The following TMEM50A variants were observed in gnomAD, a reference collection of about 807,000 sequenced individuals.
TMEM50A encodes cervical cancer oncogene 9.
A neutral mutation model predicts 23.9 loss-of-function variants in TMEM50A; 8 were observed. That is an observed-to-expected ratio of 0.33 (90% confidence interval 0.20 to 0.60). The LOEUF is 0.60. TMEM50A is among the 20% of genes least tolerant of loss of function. TMEM50A has a pLI of 0.81. For missense variants in TMEM50A, 178 were observed against 192.7 expected (o/e 0.92, Z 0.45); for synonymous variants, 55 against 60.4 (o/e 0.91, Z 0.41).
chr1:25,353,038 T>A (rs1645289455), intron 5 of TMEM50A, 64 bp downstream of exon 5: 3 of 1,473,350 alleles, frequency 2.0e-6, no homozygotes, highest in Non-Finnish European at 2.8e-6. Flanking sequence ...TTAAAGTTGG[T>A]TATTTTAGAA....
rs566302299 is a variant in TMEM50A at position 25,362,023 on chromosome 1, C to T, written c.*1318C>T. 6.7e-4 allele frequency: 158 copies of T among 234,258 alleles called. No homozygotes were observed. Among genetic ancestry groups the T allele is most frequent in the Non-Finnish European group, 1.1e-3 (135 of 118,556 alleles). 14.5% of individuals were successfully genotyped at this position (234,258 alleles called of 1,614,324 possible). A position where few individuals can be genotyped will look rare whatever the true frequency, so the allele number is the denominator to read the frequency against. On this transcript the variant is annotated 3_prime_UTR_variant, in exon 7 of 7. Coordinates refer to ENST00000374358, the MANE Select transcript of TMEM50A (RefSeq NM_014313.4). ...ATCCTCAGGCAGTGCATCCCCCCAC[C>T]CTACAACTGAGCACAACCTCTTTCC...
At chr1:25,348,401 G>A (rs1021976336) in intron 3 of TMEM50A, among the ~76,000 whole-genome samples, 1 of 152,080 alleles carries the variant, frequency 6.6e-6, no homozygotes, top group African/African-American at 2.4e-5. Flanking sequence ...AAAAATGTAG[G>A]GTAGGCCGGG....
At chr1:25,339,093 A>G (rs1645137626) in intron 1 of TMEM50A, among the ~76,000 whole-genome samples, 1 of 152,234 alleles carries the variant, frequency 6.6e-6, no homozygotes, top group African/African-American at 2.4e-5. Context: ...AGAAGTTAAA[A>G]ATGGGAGACG....
chr1:25,361,124 T>G lies in TMEM50A; in HGVS notation c.*419T>G, dbSNP rs1425443310. On this transcript the variant is annotated 3_prime_UTR_variant, in exon 7 of 7. Transcript: ENST00000374358. ...TCAAATGTTAAATGAAATATAAACA[T>G]TTTTTAGTTTTTAAAATATTCCGTG... is the stretch of plus-strand genomic sequence containing the variant. The G allele has an allele frequency of 6.3e-6, 1 of 158,094 alleles. No homozygotes were observed. Among genetic ancestry groups the G allele is most frequent in the African/African-American group, 2.4e-5 (1 of 41,522 alleles). 9.8% of individuals were successfully genotyped at this position (158,094 alleles called of 1,614,324 possible). A position where few individuals can be genotyped will look rare whatever the true frequency, so the allele number is the denominator to read the frequency against.
intron 2 of TMEM50A, among the ~76,000 whole-genome samples, chr1:25,342,009 A>G (rs1645173912): frequency 6.6e-6 from 1 of 152,120 alleles, no homozygotes; most frequent in Non-Finnish European, 1.5e-5. Context: ...CTGGCCAAAA[A>G]GCTTTGAGTT....
Position 25,360,929 on chromosome 1 carries a change from T to C in TMEM50A, c.*224T>C, listed in dbSNP as rs1645394608. ...TAAAATGTTAGAGGAAACTTTCACA[T>C]GAATAATTTTTGTCAAATTTTATCA... On this transcript the variant is annotated 3_prime_UTR_variant, in exon 7 of 7. Transcript: ENST00000374358. 2.5e-6 allele frequency: 1 copy of C among 395,024 alleles called. No homozygotes were observed. The highest frequency in any genetic ancestry group is 3.8e-5 in the East Asian group (1 of 26,122). 24.5% of individuals were successfully genotyped at this position (395,024 alleles called of 1,614,324 possible). A position where few individuals can be genotyped will look rare whatever the true frequency, so the allele number is the denominator to read the frequency against.
At chr1:25,355,306 A>G (rs1179501110) in intron 5 of TMEM50A, among the ~76,000 whole-genome samples, 1 of 152,088 alleles carries the variant, frequency 6.6e-6, no homozygotes, top group East Asian at 1.9e-4. Context: ...AGACCCTCTC[A>G]AAAATCAAAA....
chr1:25,338,523 G>C (rs1394858301), intron 1 of TMEM50A, 67 bp downstream of exon 1: 1 of 152,496 alleles, frequency 6.6e-6, no homozygotes, highest in East Asian at 1.9e-4. Flanking sequence ...CTCGGAGCCG[G>C]GGCCGTCTGA....
At chr1:25,351,799 A>G (rs1645277984) in intron 4 of TMEM50A, 106 bp downstream of exon 4, 1 of 916,754 alleles carries the variant, frequency 1.1e-6, no homozygotes, top group South Asian at 1.8e-5. Context: ...TCTGTGAGTA[A>G]CAGCTTATTA....
chr1:25,348,722 CG>C (rs1557585879), intron 3 of TMEM50A, among the ~76,000 whole-genome samples: 2 of 151,018 alleles, frequency 1.3e-5, no homozygotes, highest in African/African-American at 4.9e-5. Context: ...TAAGCAAAAA[CG>C]AAGTTGCCTA....
rs573502891 is a variant in TMEM50A, at chr1:25,347,114, A to G, written c.206+4041A>G. 2.7e-4 allele frequency among the ~76,000 whole-genome samples: 41 copies of G among 152,282 alleles called. No individual in the cohort carries two copies. The South Asian group carries it at 8.1e-3, about 30-fold the overall frequency. ...ACAAATTTTTCTTATATATACACCC[A>G]TGTAAACAGCATCTAGATCAAGATT... is the stretch of plus-strand genomic sequence containing the variant. On this transcript the variant is annotated intron_variant, in intron 3 of 6. Transcript: ENST00000374358.
At chr1:25,353,908 T>C (rs892844398) in intron 5 of TMEM50A, among the ~76,000 whole-genome samples, 1 of 152,236 alleles carries the variant, frequency 6.6e-6, no homozygotes, top group Admixed American at 6.5e-5. Flanking sequence ...AAATAATGTT[T>C]CCTAAATTTT....
At chr1:25,348,521 C>A (rs1421937475) in intron 3 of TMEM50A, among the ~76,000 whole-genome samples, 1 of 151,978 alleles carries the variant, frequency 6.6e-6, no homozygotes, top group Admixed American at 6.6e-5. Context: ...CCCGTCTCTA[C>A]TAAAATACAA....
intron 3 of TMEM50A, among the ~76,000 whole-genome samples, chr1:25,344,699 G>T (rs1009113859): frequency 2.0e-5 from 3 of 148,410 alleles, no homozygotes; most frequent in African/African-American, 5.0e-5. Context: ...GTTTCTGATT[G>T]TTTTTTTTTG....
Position 25,340,572 on chromosome 1 carries a change from GTGT to G in TMEM50A, c.87_89del (p.Val30del). On this transcript the variant is annotated inframe_deletion, in exon 2 of 7. Transcript: ENST00000374358. ...AATACTATTGCTTCCATTGCTGCTG[GTGT>G]ACTAGTAAGTGTCATTGATTATTTG... is the stretch of plus-strand genomic sequence containing the variant. 1 of 1,613,142 alleles carries G rather than the reference GTGT, an allele frequency of 6.2e-7. No homozygotes were observed. Among genetic ancestry groups the G allele is most frequent in the Non-Finnish European group, 8.5e-7 (1 of 1,179,488 alleles).
intron 1 of TMEM50A, among the ~76,000 whole-genome samples, chr1:25,339,236 T>C (rs1295398663): frequency 6.6e-6 from 1 of 152,222 alleles, no homozygotes; most frequent in Non-Finnish European, 1.5e-5. Context: ...GGCTTTTTCA[T>C]ACTCTGAAAT....
chr1:25,360,752 GT>G lies in TMEM50A; in HGVS notation c.*54del. ...ACAACAGCCCTGCATGGGTTTGTTT[GT>G]TTTTTTACTGCTCACTCCCAACCTT... On this transcript the variant is annotated 3_prime_UTR_variant, in exon 7 of 7. Coordinates refer to ENST00000374358, the MANE Select transcript of TMEM50A (RefSeq NM_014313.4). The G allele has an allele frequency of 6.3e-7, 1 of 1,596,808 alleles. No homozygotes were observed. Among genetic ancestry groups the G allele is most frequent in the Non-Finnish European group, 8.6e-7 (1 of 1,165,588 alleles).
chr1:25,350,413 G>A (rs780894461), intron 3 of TMEM50A, among the ~76,000 whole-genome samples: 2 of 151,784 alleles, frequency 1.3e-5, no homozygotes, highest in Admixed American at 6.6e-5. Flanking sequence ...TTTAAGAGAC[G>A]GAGTTTCACT....
Position 25,360,693 on chromosome 1 carries a change from C to T in TMEM50A, c.462C>T (p.Asp154=), listed in dbSNP as rs1557590528. 9 of 1,614,102 alleles carry T rather than the reference C, an allele frequency of 5.6e-6. No individual in the cohort carries two copies. The highest frequency in any genetic ancestry group is 6.8e-6 in the Non-Finnish European group (8 of 1,180,002). The change falls in exon 7 of 7, where the codon GAC becomes GAT. Residue 154 remains aspartate, a synonymous_variant. Coordinates refer to ENST00000374358, the MANE Select transcript of TMEM50A (RefSeq NM_014313.4). The part of the protein sequence containing the change: ...GLVFKFGRTE[D]LWQ ...TTTTTAAGTTTGGCCGCACTGAAGA[C>T]TTATGGCAGTGAACACATCTGATTT... is the stretch of plus-strand genomic sequence containing the variant.
Sources: gnomAD v4.1 joint callset for allele counts (sites outside exome capture counted in the v4.1 genomes callset) on GRCh38, gnomAD v4.1.1 for gene constraint, MANE v1.5 for transcripts, NCBI Gene and HGNC (gene_info 2026-07-23, HGNC 2026-07-21) for gene names.